Variants in SLC25A31 observed in about 807,000 individuals in gnomAD.
SLC25A31 encodes ADP/ATP translocase 4.
Under a neutral mutation model 36.2 loss-of-function variants are expected in SLC25A31, and 40 were observed. The ratio of observed to expected loss-of-function variants is 1.10; its 90% CI spans 0.86 to 1.44. SLC25A31 has a LOEUF of 1.44. Ranked by LOEUF, SLC25A31 falls within the 40% of genes most tolerant of loss-of-function variation. The pLI, the probability that SLC25A31 is intolerant of heterozygous loss-of-function variation, is 0.00. For missense variants in SLC25A31, 350 were observed against 397.1 expected (o/e 0.88, Z 1.01); for synonymous variants, 143 against 149.7 (o/e 0.96, Z 0.32).
chr4:127,768,989 C>A, intron 5 of SLC25A31, 112 bp downstream of exon 5: 1 of 971,584 alleles, frequency 1.0e-6, no homozygotes, highest in South Asian at 2.1e-5. Context: ...ATTTGTTTTA[C>A]TTAGCTAAAA....
intron 1 of SLC25A31, among the ~76,000 whole-genome samples, chr4:127,735,159 T>C (rs947684918): frequency 2.0e-5 from 3 of 152,162 alleles, no homozygotes; most frequent in African/African-American, 4.8e-5. Flanking sequence ...GCGTATTATT[T>C]CATCATTCAC....
chr4:127,766,161 T>G (rs1189422453), intron 3 of SLC25A31, among the ~76,000 whole-genome samples: 1 of 151,588 alleles, frequency 6.6e-6, no homozygotes, highest in African/African-American at 2.4e-5. Context: ...TGTTTTTTTT[T>G]TTGTTTTTTG....
intron 2 of SLC25A31, among the ~76,000 whole-genome samples, chr4:127,763,749 T>TGG (rs1426744429): frequency 6.6e-6 from 1 of 152,228 alleles, no homozygotes; most frequent in East Asian, 1.9e-4. Flanking sequence ...AAAGTGAAGC[T>TGG]GGGGCATTGT....
intron 2 of SLC25A31, among the ~76,000 whole-genome samples, chr4:127,762,772 A>G (rs1732166313): frequency 6.6e-6 from 1 of 151,898 alleles, no homozygotes; most frequent in South Asian, 2.1e-4. Context: ...AAATACAAGA[A>G]AATTATCTGG....
chr4:127,764,128 T>A, intron 2 of SLC25A31, 115 bp from the exon 3 acceptor site: 1 of 820,102 alleles, frequency 1.2e-6, no homozygotes. Flanking sequence ...GTTTACTTTA[T>A]AAAAGTGGCT....
chr4:127,765,116 A>G (rs1468305473), intron 3 of SLC25A31, among the ~76,000 whole-genome samples: 1 of 152,184 alleles, frequency 6.6e-6, no homozygotes, highest in Non-Finnish European at 1.5e-5. Flanking sequence ...CGGTCACACA[A>G]CTGGCCCCGT....
At chr4:127,749,708 C>CAAAAAAAAAAAAAAAAAAAAAAAAAAA (rs34540386) in intron 2 of SLC25A31, among the ~76,000 whole-genome samples, 2 of 106,160 alleles carry the variant, frequency 1.9e-5, no homozygotes, top group African/African-American at 7.2e-5. Flanking sequence ...GACTCCATCT[C>CAAAAAAAAAAAAAAAAAAAAAAAAAAA]AAAAAAAAAA....
chr4:127,762,327 A>T (rs1472830668), intron 2 of SLC25A31, among the ~76,000 whole-genome samples: 1 of 152,212 alleles, frequency 6.6e-6, no homozygotes, highest in African/African-American at 2.4e-5. Context: ...CCAGTCAAAA[A>T]AGAGTGTGTC....
chr4:127,735,178 C>T (rs1731600524), intron 1 of SLC25A31, among the ~76,000 whole-genome samples: 3 of 152,106 alleles, frequency 2.0e-5, no homozygotes, highest in Admixed American at 6.5e-5. Context: ...ACATGACATT[C>T]AGTGTAGAAA....
chr4:127,760,894 C>A (rs1732114777), intron 2 of SLC25A31, among the ~76,000 whole-genome samples: 2 of 152,156 alleles, frequency 1.3e-5, no homozygotes, highest in Admixed American at 6.5e-5. Context: ...AAAAAATTAG[C>A]CGAGTGTGGT....
At chr4:127,730,820 T>C (rs765941784) in intron 1 of SLC25A31, 43 bp downstream of exon 1, 1 of 1,548,900 alleles carries the variant, frequency 6.5e-7, no homozygotes, top group South Asian at 1.2e-5. Context: ...CCCGGCGCCC[T>C]CGTCAGCTTC....
chr4:127,736,137 C>T (rs967550569), intron 1 of SLC25A31, among the ~76,000 whole-genome samples: 1 of 151,924 alleles, frequency 6.6e-6, no homozygotes, highest in East Asian at 1.9e-4. Flanking sequence ...GATCCGCCCG[C>T]CTCGGCCTCC....
intron 2 of SLC25A31, among the ~76,000 whole-genome samples, chr4:127,756,182 G>A (rs767014560): frequency 6.6e-6 from 1 of 152,200 alleles, no homozygotes; most frequent in Non-Finnish European, 1.5e-5. Context: ...GCTAAGGTAC[G>A]GAAGCAACCT....
At chr4:127,738,817 G>C (rs749987865) in intron 1 of SLC25A31, among the ~76,000 whole-genome samples, 4 of 152,114 alleles carry the variant, frequency 2.6e-5, no homozygotes, top group Middle Eastern at 3.2e-3. Context: ...ATTTAGGATA[G>C]TTAAATCTTC....
chr4:127,738,954 T>G (rs1731684770), intron 1 of SLC25A31, among the ~76,000 whole-genome samples: 1 of 152,236 alleles, frequency 6.6e-6, no homozygotes, highest in African/African-American at 2.4e-5. Context: ...TTTATTTGCA[T>G]GATCCTTTTC....
chr4:127,764,710 T>G (rs557738765), intron 3 of SLC25A31, among the ~76,000 whole-genome samples: 2 of 152,072 alleles, frequency 1.3e-5, no homozygotes, highest in Non-Finnish European at 2.9e-5. Flanking sequence ...TCCTAGGGAG[T>G]CCCTTTGCCT....
chr4:127,741,727 G>A (rs1731736081), intron 1 of SLC25A31, among the ~76,000 whole-genome samples: 2 of 152,136 alleles, frequency 1.3e-5, no homozygotes, highest in East Asian at 3.8e-4. Flanking sequence ...TGTTGGCCTT[G>A]TAAAATGAAT....
intron 4 of SLC25A31, 115 bp from the exon 5 acceptor site, chr4:127,768,637 C>T (rs903716436): frequency 2.5e-6 from 2 of 811,164 alleles, no homozygotes; most frequent in Non-Finnish European, 3.5e-6. Context: ...ATTTTTATTG[C>T]ATTTTAAGTA....
intron 1 of SLC25A31, among the ~76,000 whole-genome samples, chr4:127,738,549 A>G (rs1731675071): frequency 6.6e-6 from 1 of 152,188 alleles, no homozygotes; most frequent in African/African-American, 2.4e-5. Context: ...ATCTTGGAGT[A>G]TGTTCCATGT....
Sources: gnomAD v4.1 joint callset for allele counts (sites outside exome capture counted in the v4.1 genomes callset) on GRCh38, gnomAD v4.1.1 for gene constraint, MANE v1.5 for transcripts, NCBI Gene and HGNC (gene_info 2026-07-23, HGNC 2026-07-21) for gene names.